The following THSD4 variants were observed in gnomAD, a reference collection of about 807,000 sequenced individuals.
THSD4 encodes the protein thrombospondin type-1 domain-containing protein 4.
In THSD4, 69 loss-of-function variants were observed where a neutral mutation model predicts 119.0. The observed-to-expected ratio is 0.58, with a 90% CI of 0.48 to 0.71. The LOEUF is 0.71. Among genes scored for constraint, THSD4 ranks in the 30% least tolerant of loss-of-function variants. The probability of loss-of-function intolerance (pLI) is 0.00; values close to 1 mark genes in which losing one functional copy is unlikely to be tolerated. For synonymous variants in THSD4, 524 were observed against 540.4 expected (o/e 0.97, Z 0.42); for missense variants, 1,393 against 1,391.1 (o/e 1.00, Z -0.02).
At position 71,352,913 on chromosome 15, in the gene THSD4, G is replaced by T. The variant is rs144234321; in HGVS notation, c.1016-58774G>T. ...GGACATTCTAGGAGAAGGGAGCATC[G>T]TGAGCAATGGCTCACAAGCCCAAAC... On this transcript the variant is annotated intron_variant, in intron 6 of 17. Coordinates refer to ENST00000261862, the MANE Select transcript of THSD4 (RefSeq NM_024817.3). Among the ~76,000 whole-genome samples the T allele has an allele frequency of 2.6e-3, 390 of 152,342 alleles. 2 individuals are homozygous for T. Among genetic ancestry groups the T allele is most frequent in the African/African-American group, 8.7e-3 (361 of 41,590 alleles).
intron 6 of THSD4, among the ~76,000 whole-genome samples, chr15:71,307,771 A>G (rs556973325): frequency 2.0e-5 from 3 of 152,318 alleles, no homozygotes; most frequent in East Asian, 3.9e-4. Flanking sequence ...CTCCATCTCA[A>G]AAACAAACAA....
chr15:71,731,545 G>A (rs563871570), intron 10 of THSD4: 11 of 282,142 alleles, frequency 3.9e-5, no homozygotes, highest in East Asian at 2.1e-4. Context: ...CTGGGAGGCC[G>A]ACGCAGGTGG....
chr15:71,159,425 C>G (rs1245845829), intron 3 of THSD4, among the ~76,000 whole-genome samples: 1 of 152,042 alleles, frequency 6.6e-6, no homozygotes, highest in Non-Finnish European at 1.5e-5. Context: ...ATTTTAACAA[C>G]ATTAATTCCT....
chr15:71,247,577 G>A (rs1163364681), intron 5 of THSD4, among the ~76,000 whole-genome samples: 1 of 152,166 alleles, frequency 6.6e-6, no homozygotes, highest in Non-Finnish European at 1.5e-5. Flanking sequence ...GGCGAGGGAG[G>A]ATGTTTTAGG....
intron 6 of THSD4, among the ~76,000 whole-genome samples, chr15:71,374,610 G>A (rs892842412): frequency 5.3e-5 from 8 of 152,170 alleles, no homozygotes; most frequent in Non-Finnish European, 2.9e-5. Flanking sequence ...TCTCCCTCCA[G>A]CTTCTTCAGA....
chr15:71,184,820 C>A (rs1057218705), intron 3 of THSD4, among the ~76,000 whole-genome samples: 2 of 151,860 alleles, frequency 1.3e-5, no homozygotes, highest in Non-Finnish European at 2.9e-5. Context: ...AGGTTACCCT[C>A]ACGCTGTCCT....
chr15:71,242,968 A>G lies in THSD4; in HGVS notation c.784A>G (p.Ser262Gly), dbSNP rs772228050. Residue 262 changes from serine to glycine, a missense_variant, in exon 5 of 18, where the codon AGC becomes GGC. Coordinates refer to ENST00000261862, the MANE Select transcript of THSD4 (RefSeq NM_024817.3). ...GYPAASSLFH[S>G]PETSNNHGVG... ...CCCTGCAGCTTCAAGTCTCTTTCACAGCCCAGAAACAAGCAACAACCACGG... is the reference window on the plus strand; with the variant it reads ...CCCTGCAGCTTCAAGTCTCTTTCACGGCCCAGAAACAAGCAACAACCACGG... 1.9e-6 allele frequency: 3 copies of G among 1,614,206 alleles called. No homozygotes were observed. Among genetic ancestry groups the G allele is most frequent in the Non-Finnish European group, 2.5e-6 (3 of 1,180,030 alleles).
chr15:71,282,343 C>T (rs1248508651), intron 6 of THSD4, among the ~76,000 whole-genome samples: 4 of 151,996 alleles, frequency 2.6e-5, no homozygotes, highest in Admixed American at 2.0e-4. Flanking sequence ...TCAGAGTTCA[C>T]TGATTTATAT....
chr15:71,493,186 GA>G (rs1323014155), intron 7 of THSD4, among the ~76,000 whole-genome samples: 1 of 152,194 alleles, frequency 6.6e-6, no homozygotes, highest in Non-Finnish European at 1.5e-5. Flanking sequence ...CCCCTCGTCA[GA>G]TTTCATGGGC....
intron 3 of THSD4, among the ~76,000 whole-genome samples, chr15:71,181,384 A>G (rs1197855356): frequency 6.6e-6 from 1 of 152,250 alleles, no homozygotes; most frequent in Non-Finnish European, 1.5e-5. Context: ...AAAATGGAGC[A>G]ATAAGCTTAA....
At chr15:71,164,618 G>A (rs1462923763) in intron 3 of THSD4, among the ~76,000 whole-genome samples, 2 of 152,086 alleles carry the variant, frequency 1.3e-5, no homozygotes, top group Non-Finnish European at 2.9e-5. Context: ...ACATTCGGTA[G>A]TGTGTTAACT....
At chr15:71,569,447 T>C (rs1211785791) in intron 7 of THSD4, among the ~76,000 whole-genome samples, 1 of 152,218 alleles carries the variant, frequency 6.6e-6, no homozygotes, top group Admixed American at 6.5e-5. Context: ...AAGTTATTTA[T>C]TTATAATGCC....
Position 71,737,734 on chromosome 15 carries a change from G to A in THSD4, c.1633G>A (p.Glu545Lys), listed in dbSNP as rs1399333616. The A allele has an allele frequency of 1.2e-6, 2 of 1,607,232 alleles. No individual in the cohort carries two copies. Among genetic ancestry groups the A allele is most frequent in the Non-Finnish European group, 1.7e-6 (2 of 1,176,478 alleles). ...GTGTGCACGCTCACCTCTCCTAGGG[G>A]AACCCTTCAATGGCCAGATGGTGAC... Reference protein sequence around the residue: ...PQVPPHRRPGEPFNGQMVTEG... With the variant: ...PQVPPHRRPGKPFNGQMVTEG... The change falls in exon 11 of 18, where the codon GAA (glutamate) becomes AAA (lysine). Residue 545 changes from glutamate to lysine, a missense_variant and splice_region_variant. By Grantham distance (56) the Glu-to-Lys change is moderately conservative (BLOSUM62 1). Transcript: ENST00000261862.
At position 71,442,632 on chromosome 15, in the gene THSD4, A is replaced by ATG. The variant is rs2047118298; in HGVS notation, c.1152+30817_1152+30818dup. Among the ~76,000 whole-genome samples the ATG allele has an allele frequency of 2.2e-4, 5 of 22,258 alleles. 1 individual carries two copies. Among genetic ancestry groups the ATG allele is most frequent in the African/African-American group, 6.1e-4 (5 of 8,230 alleles). 14.6% of individuals were successfully genotyped at this position (22,258 alleles called of 152,430 possible). ...TGTGTGTGTGTGTATATATATATGTATGTGTGTGTATATGTGTGTGTGTGT... is the reference window on the plus strand; with the variant it reads ...TGTGTGTGTGTGTATATATATATGTATGTGTGTGTGTATATGTGTGTGTGTGT... On this transcript the variant is annotated intron_variant, in intron 7 of 17. Coordinates refer to ENST00000261862, the MANE Select transcript of THSD4 (RefSeq NM_024817.3).
chr15:71,269,827 T>C (rs898836119), intron 6 of THSD4, among the ~76,000 whole-genome samples: 1 of 152,138 alleles, frequency 6.6e-6, no homozygotes, highest in Non-Finnish European at 1.5e-5. Context: ...GAGAGCCAAA[T>C]CATGAGTGAA....
At chr15:71,441,594 T>C (rs927639590) in intron 7 of THSD4, among the ~76,000 whole-genome samples, 11 of 151,378 alleles carry the variant, frequency 7.3e-5, no homozygotes, top group Non-Finnish European at 7.4e-5. Flanking sequence ...GGGGTTTCAC[T>C]ATGTTGGCCA....
At chr15:71,123,160 C>A (rs1365495652) in intron 1 of THSD4, among the ~76,000 whole-genome samples, 1 of 152,166 alleles carries the variant, frequency 6.6e-6, no homozygotes, top group African/African-American at 2.4e-5. Flanking sequence ...ATTTCAGTGT[C>A]CACAGAGGTC....
intron 7 of THSD4, among the ~76,000 whole-genome samples, chr15:71,609,349 T>G (rs1214199355): frequency 6.6e-6 from 1 of 152,142 alleles, no homozygotes; most frequent in Admixed American, 6.5e-5. Flanking sequence ...AAAGTCAAAT[T>G]TCTCTTAGCT....
intron 7 of THSD4, among the ~76,000 whole-genome samples, chr15:71,641,836 A>G (rs188318575): frequency 6.6e-6 from 1 of 152,354 alleles, no homozygotes; most frequent in African/African-American, 2.4e-5. Context: ...AAAAAAAAAA[A>G]ATTGATACCT....
Sources: allele counts gnomAD v4.1 joint callset (sites outside exome capture counted in the v4.1 genomes callset), GRCh38; gene constraint gnomAD v4.1.1; transcripts MANE v1.5; gene names NCBI Gene and HGNC (gene_info 2026-07-23, HGNC 2026-07-21).